MAPK10: variants seen among roughly 807,000 people sequenced by gnomAD.
MAPK10 encodes mitogen-activated protein kinase 10.
In MAPK10, 25 loss-of-function variants were observed where a neutral mutation model predicts 59.3. The observed-to-expected ratio is 0.42, with a 90% CI of 0.31 to 0.59. The LOEUF (loss-of-function observed/expected upper bound fraction) is 0.59, where lower values mean the gene tolerates loss of function less well. MAPK10 is among the 20% of genes least tolerant of loss of function. The pLI, the probability that MAPK10 is intolerant of heterozygous loss-of-function variation, is 0.15. For missense variants in MAPK10, 351 were observed against 568.9 expected, an observed-to-expected ratio of 0.62 and a Z score of 3.90; for synonymous variants, 190 against 200.5, an observed-to-expected ratio of 0.95 and a Z score of 0.44.
rs187839597 is a variant in MAPK10, at chr4:86,075,749, A to C, written c.803-7794T>G. Among the ~76,000 whole-genome samples the C allele has an allele frequency of 2.4e-3, 360 of 152,180 alleles. 2 individuals are homozygous for C. The highest frequency in any genetic ancestry group is 8.4e-3 in the African/African-American group (349 of 41,544). On this transcript the variant is annotated intron_variant, in intron 9 of 13. Transcript: ENST00000641462. ...ACCCACTTGAGGAGGCAGTCTGCCC[A>C]TTCTCAGATCTCCAGCTGCGTGCTG...
intron 1 of MAPK10, among the ~76,000 whole-genome samples, chr4:86,395,857 G>A (rs1318881969): frequency 6.6e-6 from 1 of 152,094 alleles, no homozygotes; most frequent in East Asian, 1.9e-4. Context: ...CCCATCATGG[G>A]GGCTCCACCC....
rs947855775 is a variant in MAPK10, at chr4:86,015,070, T to A, written c.*2158A>T. On this transcript the variant is annotated 3_prime_UTR_variant, in exon 14 of 14. Coordinates refer to ENST00000641462, the MANE Select transcript of MAPK10 (RefSeq NM_138982.4). ...GGAGCTCAAGTGACTGAGGAGGCAT[T>A]TTTAACAATCAGGTTATCTGCAATA... The A allele has an allele frequency of 6.7e-5, 10 of 150,350 alleles. No individual in the cohort carries two copies. The highest frequency in any genetic ancestry group is 2.4e-4 in the African/African-American group (10 of 40,928). The allele number at this position is 150,350 out of a possible 1,614,324, so 9.3% of individuals were successfully genotyped here.
intron 1 of MAPK10, among the ~76,000 whole-genome samples, chr4:86,509,000 T>G (rs1053411046): frequency 6.6e-6 from 1 of 152,204 alleles, no homozygotes. Flanking sequence ...GAAACTGCAA[T>G]CAACTATAGA....
At chr4:86,550,833 C>T (rs1759719502) in intron 1 of MAPK10, among the ~76,000 whole-genome samples, 1 of 152,144 alleles carries the variant, frequency 6.6e-6, no homozygotes, top group Non-Finnish European at 1.5e-5. Context: ...GTTGGTCCAC[C>T]TTCTAGGCTA....
intron 2 of MAPK10, chr4:86,340,230 T>A (rs1724069687): frequency 6.7e-6 from 1 of 148,380 alleles, no homozygotes; most frequent in Non-Finnish European, 1.5e-5. Context: ...GGGACCAGCA[T>A]TAGATAACTT....
upstream of MAPK10, among the ~76,000 whole-genome samples, chr4:86,457,678 C>CA (rs1469498509): frequency 6.6e-6 from 1 of 152,126 alleles, no homozygotes; most frequent in African/African-American, 2.4e-5. Flanking sequence ...CAAATGGAAA[C>CA]ACATCCCATG....
intron 8 of MAPK10, chr4:86,099,359 A>G (rs1375903512): frequency 6.6e-6 from 1 of 152,256 alleles, no homozygotes; most frequent in African/African-American, 2.4e-5. Flanking sequence ...CAAATTGTCA[A>G]ACTTGTTAGG....
Position 86,076,384 on chromosome 4 carries a change from G to C in MAPK10, c.803-8429C>G, listed in dbSNP as rs113052335. Among the ~76,000 whole-genome samples the C allele has an allele frequency of 4.3e-3, 654 of 152,278 alleles. 30 individuals are homozygous for C. In the East Asian group the frequency reaches 0.1, roughly 24 times the overall value. On this transcript the variant is annotated intron_variant, in intron 9 of 13. Coordinates refer to ENST00000641462, the MANE Select transcript of MAPK10 (RefSeq NM_138982.4). ...TCGCTCACGCTGGGAGCTGTAGACC[G>C]GAGCTGTTCCTATTCAGCCATCTTG...
chr4:86,202,370 G>C (rs2082827148), intron 2 of MAPK10, among the ~76,000 whole-genome samples: 1 of 151,616 alleles, frequency 6.6e-6, no homozygotes, highest in South Asian at 2.1e-4. Flanking sequence ...CCATTCATTT[G>C]TATGTCTTTT....
chr4:86,103,289 A>G (rs1358794728), intron 5 of MAPK10, 45 bp from the exon 6 acceptor site: 1 of 971,582 alleles, frequency 1.0e-6, no homozygotes, highest in Non-Finnish European at 1.7e-6. Flanking sequence ...GAAAGAAAAA[A>G]GAGAGAGAAT....
At chr4:86,086,508 T>G (rs1490640727) in intron 9 of MAPK10, among the ~76,000 whole-genome samples, 1 of 152,170 alleles carries the variant, frequency 6.6e-6, no homozygotes, top group Non-Finnish European at 1.5e-5. Flanking sequence ...AAACATCTCA[T>G]GTGCCCCATA....
chr4:86,067,441 C>T (rs1287967123), intron 10 of MAPK10, among the ~76,000 whole-genome samples: 4 of 152,098 alleles, frequency 2.6e-5, no homozygotes, highest in African/African-American at 4.8e-5. Flanking sequence ...CCACCGCCCC[C>T]GGCCCTGAAT....
intron 1 of MAPK10, among the ~76,000 whole-genome samples, chr4:86,383,046 A>G (rs1285376628): frequency 6.6e-6 from 1 of 152,214 alleles, no homozygotes; most frequent in Non-Finnish European, 1.5e-5. Flanking sequence ...AGCACTTAGA[A>G]GATCCTCATT....
intron 4 of MAPK10, among the ~76,000 whole-genome samples, chr4:86,157,608 A>G (rs1438395440): frequency 6.6e-6 from 1 of 151,914 alleles, no homozygotes; most frequent in Non-Finnish European, 1.5e-5. Context: ...GAATGGATGC[A>G]TTTGACATAA....
chr4:86,591,564 G>C (rs1310269331), intron 1 of MAPK10, among the ~76,000 whole-genome samples: 6 of 152,010 alleles, frequency 3.9e-5, no homozygotes, highest in African/African-American at 1.4e-4. Context: ...TGTAGAGAAA[G>C]GGTTTCACCA....
In MAPK10 at chr4:86,012,617, A is replaced by G. The variant is rs1741701066; in HGVS notation, c.*4611T>C. 1 of 152,228 alleles carries G rather than the reference A, an allele frequency of 6.6e-6. No homozygotes were observed. Among genetic ancestry groups the G allele is most frequent in the Non-Finnish European group, 1.5e-5 (1 of 68,034 alleles). The allele number at this position is 152,228 out of a possible 1,614,324, so 9.4% of individuals were successfully genotyped here. A position where few individuals can be genotyped will look rare whatever the true frequency, so the allele number is the denominator to read the frequency against. On this transcript the variant is annotated 3_prime_UTR_variant, in exon 14 of 14. Coordinates refer to ENST00000641462, the MANE Select transcript of MAPK10 (RefSeq NM_138982.4). Reference sequence around the variant, plus strand: ...CTCCCCCGATTCATCCTCTTGTTCCACAGACATTTTGAAAATAAAAGAAGA... The same window carrying G: ...CTCCCCCGATTCATCCTCTTGTTCCGCAGACATTTTGAAAATAAAAGAAGA...
At chr4:86,479,124 C>T (rs1323036774) in intron 1 of MAPK10, among the ~76,000 whole-genome samples, 1 of 152,078 alleles carries the variant, frequency 6.6e-6, no homozygotes, top group African/African-American at 2.4e-5. Flanking sequence ...TGAGAAATGA[C>T]CCACCACGGT....
chr4:86,518,929 G>C lies in MAPK10; in HGVS notation c.-263+74981C>G, dbSNP rs372529955. 5.9e-5 allele frequency among the ~76,000 whole-genome samples: 9 copies of C among 152,084 alleles called. No individual in the cohort carries two copies. In the South Asian group the frequency reaches 1.9e-3, roughly 32 times the overall value. On this transcript the variant is annotated intron_variant, in intron 1 of 4. Transcript: ENST00000502302. Reference sequence around the variant, plus strand: ...TCCATGTATTTGTATAGTTTTGAGGGTTCCTTTTGGAGTTAGTTTCCAATT... The same window carrying C: ...TCCATGTATTTGTATAGTTTTGAGGCTTCCTTTTGGAGTTAGTTTCCAATT...
At chr4:86,126,935 T>C (rs2060167206) in intron 4 of MAPK10, among the ~76,000 whole-genome samples, 1 of 152,024 alleles carries the variant, frequency 6.6e-6, no homozygotes, top group African/African-American at 2.4e-5. Flanking sequence ...ATTGAACCAC[T>C]TCACTCTAAT....
Sources: gnomAD v4.1 joint callset for allele counts (sites outside exome capture counted in the v4.1 genomes callset) on GRCh38, gnomAD v4.1.1 for gene constraint, MANE v1.5 for transcripts, NCBI Gene and HGNC (gene_info 2026-07-23, HGNC 2026-07-21) for gene names.